The following IL5RA variants were observed in gnomAD, a reference collection of about 807,000 sequenced individuals.
IL5RA encodes interleukin 5 receptor subunit alpha.
In IL5RA, 49 loss-of-function variants were observed where a neutral mutation model predicts 50.0. That is an observed-to-expected ratio of 0.98 (90% CI 0.78 to 1.24). The LOEUF (loss-of-function observed/expected upper bound fraction) is 1.24, where lower values mean the gene tolerates loss of function less well. Ranked by LOEUF, IL5RA falls within the 50% of genes most tolerant of loss-of-function variation. The pLI is 0.00. For missense variants in IL5RA, 600 were observed against 500.4 expected, an observed-to-expected ratio of 1.20 and a Z score of -1.90; for synonymous variants, 202 against 174.0, an observed-to-expected ratio of 1.16 and a Z score of -1.26.
Position 3,067,750 on chromosome 3 carries a change from G to C in IL5RA, c.*2475C>G, listed in dbSNP as rs1378269232. The C allele has an allele frequency of 6.6e-6, 1 of 152,316 alleles. No homozygotes were observed. The highest frequency in any genetic ancestry group is 2.4e-5 in the African/African-American group (1 of 41,448). 9.4% of individuals were successfully genotyped at this position (152,316 alleles called of 1,614,324 possible). On this transcript the variant is annotated 3_prime_UTR_variant, in exon 12 of 12. Transcript: ENST00000446632. ...TTGCTCCTGAAACACATATACCAAGGGCCAGATAACGGTACCAGCTCAGGG... is the reference window on the plus strand; with the variant it reads ...TTGCTCCTGAAACACATATACCAAGCGCCAGATAACGGTACCAGCTCAGGG...
chr3:3,101,867 A>C (rs1321421361), intron 4 of IL5RA, 37 bp from the exon 5 acceptor site: 1 of 1,585,042 alleles, frequency 6.3e-7, no homozygotes, highest in South Asian at 1.1e-5. Context: ...TACATAAAAG[A>C]GAACTAGACT....
At position 3,092,099 on chromosome 3, in the gene IL5RA, G is replaced by T. The variant is rs1703140945; in HGVS notation, c.994+125C>A. On this transcript the variant is annotated intron_variant, in intron 9 of 11. Coordinates refer to ENST00000446632, the MANE Select transcript of IL5RA (RefSeq NM_175726.4). This position sits in a 1 kb window ranked among gnomAD's most constrained non-coding sequence, Gnocchi z 4.2. ...TGATTGAAAAGGCAGTAGACCGAGA[G>T]AAAATTAGTCACAATAGAGATATGA... The T allele has an allele frequency of 6.9e-7, 1 of 1,458,476 alleles. No homozygotes were observed. The highest frequency in any genetic ancestry group is 9.0e-7 in the Non-Finnish European group (1 of 1,111,292). The allele number at this position is 1,458,476 out of a possible 1,614,324, so 90.3% of individuals were successfully genotyped here.
At chr3:3,078,294 G>C (rs1323575388) in intron 9 of IL5RA, among the ~76,000 whole-genome samples, 1 of 152,198 alleles carries the variant, frequency 6.6e-6, no homozygotes, top group Admixed American at 6.5e-5. Flanking sequence ...TGACAGGAAG[G>C]AGAGATACCT....
At chr3:3,077,024 A>G (rs1158503669) in intron 9 of IL5RA, among the ~76,000 whole-genome samples, 1 of 152,234 alleles carries the variant, frequency 6.6e-6, no homozygotes, top group Non-Finnish European at 1.5e-5. Flanking sequence ...GAGTAACCCA[A>G]TGGCATCACA....
At chr3:3,075,011 T>C (rs1241046337) in intron 10 of IL5RA, 145 bp from the exon 11 acceptor site, 8 of 619,854 alleles carry the variant, frequency 1.3e-5, no homozygotes, top group Non-Finnish European at 2.3e-5. Context: ...TCCAAAATTA[T>C]AGGTGAAGAC....
chr3:3,100,097 G>A (rs1236471576), intron 5 of IL5RA, among the ~76,000 whole-genome samples: 2 of 152,172 alleles, frequency 1.3e-5, no homozygotes, highest in African/African-American at 4.8e-5. Context: ...AATACACTGT[G>A]GGAAACACTG....
intron 7 of IL5RA, among the ~76,000 whole-genome samples, chr3:3,097,497 C>G (rs1703417382): frequency 6.6e-6 from 1 of 152,150 alleles, no homozygotes; most frequent in Admixed American, 6.5e-5. Context: ...GCTAAATTCA[C>G]TTTTTCTGGT....
chr3:3,099,606 GCA>G (rs1285106422), intron 5 of IL5RA, among the ~76,000 whole-genome samples: 1 of 151,784 alleles, frequency 6.6e-6, no homozygotes, highest in Non-Finnish European at 1.5e-5. Context: ...TCCAGCCTGG[GCA>G]ACAGAGTGAG....
chr3:3,081,980 C>A (rs1238395716), intron 9 of IL5RA, among the ~76,000 whole-genome samples: 1 of 152,088 alleles, frequency 6.6e-6, no homozygotes, highest in Non-Finnish European at 1.5e-5. Context: ...CATAAATTGG[C>A]AGGAAAATTT....
chr3:3,079,382 C>T (rs532688786), intron 9 of IL5RA, among the ~76,000 whole-genome samples: 23 of 152,264 alleles, frequency 1.5e-4, no homozygotes, highest in African/African-American at 5.1e-4. Flanking sequence ...TCCATTCTTC[C>T]AAGCCCCCAG....
At position 3,105,284 on chromosome 3, in the gene IL5RA, A is replaced by C. The variant is rs544880868; in HGVS notation, c.-3-297T>G. On this transcript the variant is annotated intron_variant, in intron 2 of 11. Coordinates refer to ENST00000446632, the MANE Select transcript of IL5RA (RefSeq NM_175726.4). ...AGCAGAGACTTCTGATTTGCCATCT[A>C]AAGGGTGAACTAGAGTCCTTGACGC... 8.5e-5 allele frequency among the ~76,000 whole-genome samples: 13 copies of C among 152,330 alleles called. No homozygotes were observed. In the East Asian group the frequency reaches 1.9e-3, roughly 23 times the overall value.
intron 5 of IL5RA, among the ~76,000 whole-genome samples, chr3:3,099,756 C>A (rs1703553234): frequency 6.6e-6 from 1 of 151,646 alleles, no homozygotes; most frequent in Non-Finnish European, 1.5e-5. Flanking sequence ...TGCAACCTCA[C>A]CCTCCCGGGT....
chr3:3,104,776 G>A (rs920908759), intron 3 of IL5RA, 127 bp downstream of exon 3: 1 of 538,562 alleles, frequency 1.9e-6, no homozygotes, highest in Non-Finnish European at 3.3e-6. Context: ...TTCTGATGGG[G>A]ATAAATATTG....
intron 1 of IL5RA, among the ~76,000 whole-genome samples, chr3:3,109,560 C>G (rs748837027): frequency 9.9e-5 from 15 of 152,178 alleles, no homozygotes; most frequent in Non-Finnish European, 2.1e-4. Flanking sequence ...TAAGCACTAA[C>G]AAAACCATAG....
chr3:3,104,940 A>G lies in IL5RA; in HGVS notation c.45T>C (p.Thr15=). ...GAAGTAAGTCAGCTTGCAGTATCTC[A>G]GTGGCCCCCAAAAGGATGAGTAATA... The part of the protein sequence containing the change: ...AHVLLILLGA[T]EILQADLLPD... The change falls in exon 3 of 12, where the codon ACT becomes ACC. Residue 15 remains threonine, a synonymous_variant. Transcript: ENST00000446632. 1.2e-6 allele frequency: 2 copies of G among 1,612,226 alleles called. No homozygotes were observed. Among genetic ancestry groups the G allele is most frequent in the South Asian group, 2.2e-5 (2 of 91,026 alleles).
At position 3,092,747 on chromosome 3, in the gene IL5RA, A is replaced by C. The variant is rs543561786; in HGVS notation, c.856-385T>G. Among the ~76,000 whole-genome samples the C allele has an allele frequency of 6.6e-6, 1 of 152,116 alleles. No homozygotes were observed. The highest frequency in any genetic ancestry group is 1.5e-5 in the Non-Finnish European group (1 of 68,028). On this transcript the variant is annotated intron_variant, in intron 8 of 11. Transcript: ENST00000446632. This position sits in a 1 kb window ranked among gnomAD's most constrained non-coding sequence, Gnocchi z 4.2. ...ATGTCACATGAACGCTAGATTGTCT[A>C]GTGTTGAAATGAAGCTATTTTCTCA...
At chr3:3,082,992 T>G (rs2125961319) in intron 9 of IL5RA, among the ~76,000 whole-genome samples, 2 of 152,326 alleles carry the variant, frequency 1.3e-5, no homozygotes, top group East Asian at 3.9e-4. Flanking sequence ...AGAGCAGGCC[T>G]GCTGTGTTTT....
intron 9 of IL5RA, among the ~76,000 whole-genome samples, chr3:3,084,793 C>T (rs1702792554): frequency 6.6e-6 from 1 of 152,276 alleles, no homozygotes; most frequent in African/African-American, 2.4e-5. Context: ...CTCTCTGCAT[C>T]TGTTTTCTCA....
intron 5 of IL5RA, among the ~76,000 whole-genome samples, chr3:3,098,853 G>C (rs775276231): frequency 1.3e-5 from 2 of 152,162 alleles, no homozygotes; most frequent in South Asian, 4.1e-4. Context: ...TGCAATACAT[G>C]TGTGGAAGTT....
Sources: gnomAD v4.1 joint callset for allele counts (sites outside exome capture counted in the v4.1 genomes callset) on GRCh38, gnomAD v4.1.1 for gene constraint, Gnocchi (gnomAD v3.1) non-coding constraint, MANE v1.5 for transcripts, NCBI Gene and HGNC (gene_info 2026-07-23, HGNC 2026-07-21) for gene names.